USP54: variants seen among roughly 807,000 people sequenced by gnomAD.
USP54 encodes ubiquitin specific peptidase 54.
Under a neutral mutation model 170.5 loss-of-function variants are expected in USP54, and 87 were observed. The ratio of observed to expected loss-of-function variants is 0.51; its 90% CI spans 0.43 to 0.61. The LOEUF is 0.61. USP54 is among the 20% of genes least tolerant of loss of function. The pLI is 0.00. For missense variants in USP54, 1,786 were observed against 2,047.8 expected (o/e 0.87, Z 2.47); for synonymous variants, 655 against 742.8 (o/e 0.88, Z 1.92).
chr10:73,583,648 G>C (rs1012344913), intron 1 of USP54, among the ~76,000 whole-genome samples: 2 of 152,090 alleles, frequency 1.3e-5, no homozygotes. Context: ...ACTCAGAAGG[G>C]TGAGGCAGGA....
chr10:73,503,463 A>T (rs1448244048), intron 22 of USP54, among the ~76,000 whole-genome samples: 2 of 152,192 alleles, frequency 1.3e-5, no homozygotes, highest in East Asian at 1.9e-4. Context: ...TTATTTGTTT[A>T]TTTTTGTGCT....
chr10:73,511,027 G>C (rs777786196), intron 20 of USP54, among the ~76,000 whole-genome samples: 6 of 151,902 alleles, frequency 3.9e-5, no homozygotes, highest in Non-Finnish European at 8.8e-5. Context: ...GGTTGCCTGG[G>C]GTTGGGGGAA....
chr10:73,512,438 C>T (rs535122827), intron 20 of USP54, among the ~76,000 whole-genome samples: 42 of 152,278 alleles, frequency 2.8e-4, no homozygotes, highest in Non-Finnish European at 5.4e-4. Flanking sequence ...TGCACCCAGC[C>T]TGTCATGTCA....
At chr10:73,556,890 C>CT (rs2071226332) in intron 4 of USP54, among the ~76,000 whole-genome samples, 1 of 152,286 alleles carries the variant, frequency 6.6e-6, no homozygotes, top group South Asian at 2.1e-4. Context: ...CACCCACCCT[C>CT]TACCAGCACC....
intron 1 of USP54, among the ~76,000 whole-genome samples, chr10:73,607,830 C>CAAAAAAAAAAAAAAAAAGAAAA (rs2079800656): frequency 1.7e-5 from 1 of 59,512 alleles, no homozygotes. Flanking sequence ...GACTCCGTCT[C>CAAAAAAAAAAAAAAAAAGAAAA]AAAAAAAAAA....
At chr10:73,557,054 A>G (rs1305246062) in intron 4 of USP54, among the ~76,000 whole-genome samples, 1 of 152,330 alleles carries the variant, frequency 6.6e-6, no homozygotes, top group Admixed American at 6.5e-5. Flanking sequence ...CCTCTAGTAC[A>G]ATCCCTGGAA....
intron 4 of USP54, among the ~76,000 whole-genome samples, chr10:73,549,672 C>G (rs893264850): frequency 6.6e-6 from 1 of 152,196 alleles, no homozygotes; most frequent in African/African-American, 2.4e-5. Context: ...CTGTTCACCA[C>G]CTCATCTGCT....
chr10:73,541,916 C>A (rs2066677650), intron 7 of USP54, 178 bp from the exon 8 acceptor site: 4 of 609,510 alleles, frequency 6.6e-6, no homozygotes, highest in Non-Finnish European at 1.2e-5. Flanking sequence ...GTCCCCAGAT[C>A]CAAAGCTCAT....
Position 73,624,145 on chromosome 10 carries a change from G to A in USP54, c.-18+1422C>T, listed in dbSNP as rs1221729162. Among the ~76,000 whole-genome samples, 17 of 95,244 alleles carry A rather than the reference G, an allele frequency of 1.8e-4. No homozygotes were observed. In the East Asian group the frequency reaches 3.8e-3, roughly 21 times the overall value. The allele number at this position is 95,244 out of a possible 152,430, so 62.5% of individuals were successfully genotyped here. On this transcript the variant is annotated intron_variant, in intron 1 of 22. Transcript: ENST00000339859. ...AACCACATTAAGACCAGCTGAAGAA[G>A]GATTTTTAAAAGCCATATATATATA...
intron 4 of USP54, among the ~76,000 whole-genome samples, chr10:73,553,885 G>A (rs1432013695): frequency 1.3e-5 from 2 of 152,140 alleles, no homozygotes; most frequent in East Asian, 1.9e-4. Context: ...AGATTTTAAC[G>A]ACTAAAAGCA....
At chr10:73,625,235 T>C (rs1187551890) in intron 1 of USP54, among the ~76,000 whole-genome samples, 2 of 141,092 alleles carry the variant, frequency 1.4e-5, no homozygotes, top group East Asian at 4.6e-4. Flanking sequence ...ACCCTGCGCT[T>C]TATTTTAGAG....
chr10:73,600,674 G>A (rs1010665144), intron 1 of USP54, among the ~76,000 whole-genome samples: 1 of 152,222 alleles, frequency 6.6e-6, no homozygotes, highest in Non-Finnish European at 1.5e-5. Context: ...AGCACTTCGG[G>A]AGGCTGAGGC....
intron 1 of USP54, among the ~76,000 whole-genome samples, chr10:73,577,408 T>C (rs2076261458): frequency 6.6e-6 from 1 of 152,214 alleles, no homozygotes. Context: ...CCAGACTATT[T>C]ATAATCTACA....
intron 1 of USP54, 145 bp from the exon 2 acceptor site, chr10:73,576,506 G>GAAAAAAAAAAAAAAAAAAAA (rs112010968): frequency 1.3e-5 from 1 of 74,848 alleles, no homozygotes; most frequent in Non-Finnish European, 2.8e-5. Context: ...AAGAAAAAAA[G>GAAAAAAAAAAAAAAAAAAAA]AAAAAAAAAA....
chr10:73,578,512 A>T (rs2076427296), intron 1 of USP54, among the ~76,000 whole-genome samples: 1 of 152,174 alleles, frequency 6.6e-6, no homozygotes, highest in Non-Finnish European at 1.5e-5. Context: ...CTTAGGTTCA[A>T]GCAATCCTCC....
At position 73,499,152 on chromosome 10, in the gene USP54, C is replaced by T; in HGVS notation, c.4532G>A (p.Cys1511Tyr). Reference sequence around the variant, plus strand: ...CCCTTGGGAAGTTTCACCCCTGTCACACATAGCCAGAAACTGCTGGACACT... The same window carrying T: ...CCCTTGGGAAGTTTCACCCCTGTCATACATAGCCAGAAACTGCTGGACACT... ...SRSVQQFLAM[C>Y]DRGETSQGAK... Residue 1511 changes from cysteine (C) to tyrosine (Y), a missense_variant, in exon 24 of 24, where the codon TGT (cysteine) becomes TAT (tyrosine). This residue lies in a region of USP54 where 1,418 missense variants were observed against 1,569.0 expected (regional missense o/e 0.90). Coordinates refer to ENST00000687698, the MANE Select transcript of USP54 (RefSeq NM_001391956.1). 3 of 1,613,160 alleles carry T rather than the reference C, an allele frequency of 1.9e-6. No individual in the cohort carries two copies. Among genetic ancestry groups the T allele is most frequent in the Non-Finnish European group, 2.5e-6 (3 of 1,179,540 alleles).
intron 11 of USP54, 90 bp from the exon 12 acceptor site, chr10:73,534,860 T>C (rs2064900765): frequency 1.6e-6 from 2 of 1,286,168 alleles, no homozygotes; most frequent in African/African-American, 1.5e-5. Flanking sequence ...CAAAGCTCCA[T>C]AAGGCAAGAA....
At chr10:73,515,146 T>TA (rs1367710759) in intron 20 of USP54, among the ~76,000 whole-genome samples, 2 of 152,174 alleles carry the variant, frequency 1.3e-5, no homozygotes, top group Admixed American at 1.3e-4. Context: ...TACTCAACTG[T>TA]AATTATATGT....
Position 73,517,314 on chromosome 10 carries a change from C to T in USP54, c.3112G>A (p.Val1038Met), listed in dbSNP as rs199580962. Residue 1038 changes from valine to methionine, a missense_variant, in exon 20 of 24, where the codon GTG becomes ATG. By Grantham distance (21) the Val-to-Met change is conservative. Transcript: ENST00000687698. ...TCAGAGGTGGCTATTCCAGGCATCA[C>T]CGGGGAGGGGTTAGCAGGATCCTTC... ...EKKDPANPSP[V>M]MPGIATSERG... 3 of 1,612,570 alleles carry T rather than the reference C, an allele frequency of 1.9e-6. No homozygotes were observed. The East Asian group carries it at 6.7e-5, about 36-fold the overall frequency.
Sources: gnomAD v4.1 joint callset for allele counts (sites outside exome capture counted in the v4.1 genomes callset) on GRCh38, gnomAD v4.1.1 for gene constraint, gnomAD v4.1.1 regional missense constraint, MANE v1.5 for transcripts, NCBI Gene and HGNC (gene_info 2026-07-23, HGNC 2026-07-21) for gene names.